EHD1: variants seen among roughly 807,000 people sequenced by gnomAD.
The protein encoded by EHD1 is EH domain-containing protein 1.
In EHD1, 19 loss-of-function variants were observed where a neutral mutation model predicts 39.0. That is an observed-to-expected ratio of 0.49 (90% CI 0.34 to 0.72). EHD1 has a LOEUF of 0.72. EHD1 is among the 30% of genes least tolerant of loss of function. The pLI is 0.01. For missense variants in EHD1, 542 were observed against 751.5 expected (o/e 0.72, Z 3.26); for synonymous variants, 323 against 331.2 (o/e 0.98, Z 0.27).
chr11:64,855,070 G>T, intron 4 of EHD1: 1 of 830,454 alleles, frequency 1.2e-6, no homozygotes, highest in Non-Finnish European at 1.8e-6. Flanking sequence ...AAGGATTCAT[G>T]GACAGGGCAC....
intron 1 of EHD1, among the ~76,000 whole-genome samples, chr11:64,877,359 C>T (rs906675429): frequency 1.3e-5 from 2 of 152,164 alleles, no homozygotes; most frequent in African/African-American, 2.4e-5. Context: ...GATTCTGTCC[C>T]TCAGTGCACA....
At chr11:64,879,284 AC>A, upstream of EHD1, 1 of 939,668 alleles carries the variant, frequency 1.1e-6, no homozygotes, top group Non-Finnish European at 1.4e-6. Flanking sequence ...CCTCAGGCCG[AC>A]GGGGTGGGAA....
intron 3 of EHD1, among the ~76,000 whole-genome samples, chr11:64,859,025 C>A (rs1943684671): frequency 6.6e-6 from 1 of 152,394 alleles, no homozygotes; most frequent in Admixed American, 6.5e-5. Context: ...TAAGCTTCAG[C>A]TCCTGCCAGG....
intron 3 of EHD1, 63 bp downstream of exon 3, chr11:64,859,861 G>A (rs1362674080): frequency 6.5e-7 from 1 of 1,544,626 alleles, no homozygotes; most frequent in Non-Finnish European, 8.7e-7. Context: ...GGCCCTGAGT[G>A]CCAGTCTCAG....
At chr11:64,865,575 C>T (rs1943759299) in intron 2 of EHD1, among the ~76,000 whole-genome samples, 1 of 152,204 alleles carries the variant, frequency 6.6e-6, no homozygotes, top group South Asian at 2.1e-4. Context: ...GAAAGGCCCA[C>T]CTGCAGAGGG....
chr11:64,879,626 TC>T (rs1426517860), upstream of EHD1: 4 of 1,551,024 alleles, frequency 2.6e-6, no homozygotes, highest in Admixed American at 3.9e-5. Context: ...TCCTGGCTGT[TC>T]CATGGGGCTC....
At chr11:64,859,796 G>T in intron 3 of EHD1, 128 bp downstream of exon 3, 1 of 1,302,300 alleles carries the variant, frequency 7.7e-7, no homozygotes. Flanking sequence ...GAGGGAAACA[G>T]CGCAGTGCAG....
rs2136470428 is a variant in EHD1, at chr11:64,853,570, T to C, written c.*763A>G. 6.5e-6 allele frequency: 1 copy of C among 152,744 alleles called. No individual in the cohort carries two copies. The highest frequency in any genetic ancestry group is 2.1e-4 in the South Asian group (1 of 4,832). 9.5% of individuals were successfully genotyped at this position (152,744 alleles called of 1,614,324 possible). On this transcript the variant is annotated 3_prime_UTR_variant, in exon 5 of 5. Transcript: ENST00000320631. ...GGAAGGGGAGACAAAAATCACAGCT[T>C]TTGAACAGTGGTTGGGAAGTTATTG...
chr11:64,868,796 A>C lies in EHD1; in HGVS notation c.502+5625T>G, dbSNP rs1330835395. On this transcript the variant is annotated intron_variant, in intron 2 of 4. Transcript: ENST00000320631. The surrounding 1 kb of genome is among the most constrained non-coding windows in gnomAD (Gnocchi z 4.2). ...ACTACACACAACGTAGACCCCAGCAAATCAGACAGAAGCAACAAAAGAGGG... is the reference window on the plus strand; with the variant it reads ...ACTACACACAACGTAGACCCCAGCACATCAGACAGAAGCAACAAAAGAGGG... Among the ~76,000 whole-genome samples the C allele has an allele frequency of 6.6e-6, 1 of 152,206 alleles. No individual in the cohort carries two copies. The highest frequency in any genetic ancestry group is 1.5e-5 in the Non-Finnish European group (1 of 68,030).
intron 1 of EHD1, among the ~76,000 whole-genome samples, chr11:64,876,398 C>CGTGGGCTGAT (rs1366076908): frequency 6.6e-6 from 1 of 152,260 alleles, no homozygotes; most frequent in Non-Finnish European, 1.5e-5. Context: ...GCCCTTTCGG[C>CGTGGGCTGAT]AGGGCCATCA....
intron 3 of EHD1, among the ~76,000 whole-genome samples, chr11:64,857,401 G>C (rs947217057): frequency 1.3e-5 from 2 of 152,114 alleles, no homozygotes; most frequent in African/African-American, 4.8e-5. Flanking sequence ...TCCAGCCTAG[G>C]TAACAGAGTG....
At chr11:64,862,510 A>T (rs982901084) in intron 2 of EHD1, among the ~76,000 whole-genome samples, 5 of 152,334 alleles carry the variant, frequency 3.3e-5, no homozygotes, top group African/African-American at 1.2e-4. Flanking sequence ...TCGGGTTCAG[A>T]GATGAAAGCT....
intron 2 of EHD1, among the ~76,000 whole-genome samples, chr11:64,865,488 AG>A (rs1384336572): frequency 9.9e-5 from 15 of 152,252 alleles, no homozygotes; most frequent in Non-Finnish European, 1.2e-4. Flanking sequence ...TGACTAGCTC[AG>A]GCCCCAGTGG....
chr11:64,871,386 G>A (rs7121389), intron 2 of EHD1, among the ~76,000 whole-genome samples: 82 of 152,284 alleles, frequency 5.4e-4, no homozygotes, highest in African/African-American at 1.8e-3. Flanking sequence ...CATGACTGAC[G>A]GGCGGGGCCT....
intron 3 of EHD1, among the ~76,000 whole-genome samples, chr11:64,857,147 G>A (rs982688951): frequency 6.6e-6 from 1 of 152,214 alleles, no homozygotes; most frequent in South Asian, 2.1e-4. Context: ...CCAGCCAGCC[G>A]GGCGCGGTGG....
rs1342816840 is a variant in EHD1, at chr11:64,851,802, A to G, written c.*2531T>C. ...GCTGGAGTTGGACGGCCTGGTTTGC[A>G]TCTGCTTCTACCACCTTTGTTATTT... On this transcript the variant is annotated 3_prime_UTR_variant, in exon 5 of 5. Transcript: ENST00000320631. The G allele has an allele frequency of 6.6e-6, 1 of 152,246 alleles. No homozygotes were observed. The highest frequency in any genetic ancestry group is 1.5e-5 in the Non-Finnish European group (1 of 68,048). The allele number at this position is 152,246 out of a possible 1,614,324, so 9.4% of individuals were successfully genotyped here. A position where few individuals can be genotyped will look rare whatever the true frequency, so the allele number is the denominator to read the frequency against.
chr11:64,873,626 C>A (rs944809965), intron 2 of EHD1, among the ~76,000 whole-genome samples: 1 of 152,018 alleles, frequency 6.6e-6, no homozygotes, highest in African/African-American at 2.4e-5. Context: ...CCTCTCAGTG[C>A]ACAGAGCACT....
chr11:64,878,673 G>T, upstream of EHD1: 2 of 1,358,440 alleles, frequency 1.5e-6, no homozygotes, highest in South Asian at 1.9e-5. Context: ...CTCAGTGGCG[G>T]CTAGCGCCGC....
At chr11:64,855,175 T>C in intron 4 of EHD1, 147 bp downstream of exon 4, 1 of 1,253,500 alleles carries the variant, frequency 8.0e-7, no homozygotes, top group East Asian at 2.5e-5. Flanking sequence ...AACTCTGAGT[T>C]GGGTGGGGTG....
Sources: gnomAD v4.1 joint callset for allele counts (sites outside exome capture counted in the v4.1 genomes callset) on GRCh38, gnomAD v4.1.1 for gene constraint, Gnocchi (gnomAD v3.1) non-coding constraint, MANE v1.5 for transcripts, NCBI Gene and HGNC (gene_info 2026-07-23, HGNC 2026-07-21) for gene names.